Variants in CACNA2D3 observed in about 807,000 individuals in gnomAD.
CACNA2D3 encodes calcium voltage-gated channel auxiliary subunit alpha2delta 3.
A neutral mutation model predicts 160.6 loss-of-function variants in CACNA2D3; 60 were observed. The ratio of observed to expected loss-of-function variants is 0.37; its 90% confidence interval spans 0.30 to 0.46. CACNA2D3 has a LOEUF of 0.46. CACNA2D3 is among the 20% of genes least tolerant of loss of function. The pLI is 1.00. For missense variants in CACNA2D3, 1,205 were observed against 1,365.0 expected (o/e 0.88, Z 1.85); for synonymous variants, 558 against 492.9 (o/e 1.13, Z -1.75).
intron 35 of CACNA2D3, among the ~76,000 whole-genome samples, chr3:55,024,179 C>G (rs1291818156): frequency 1.4e-5 from 2 of 147,372 alleles, no homozygotes; most frequent in African/African-American, 2.5e-5. Flanking sequence ...TAATTATTCA[C>G]TCTTTGACCT....
chr3:54,787,780 T>G (rs1436116129), intron 13 of CACNA2D3, among the ~76,000 whole-genome samples: 2 of 152,182 alleles, frequency 1.3e-5, no homozygotes, highest in African/African-American at 4.8e-5. Flanking sequence ...TAGTGCTGTT[T>G]CCAGTGATAA....
At chr3:54,967,797 A>G (rs1230517992) in intron 27 of CACNA2D3, among the ~76,000 whole-genome samples, 1 of 152,216 alleles carries the variant, frequency 6.6e-6, no homozygotes, top group Non-Finnish European at 1.5e-5. Flanking sequence ...TTCAAGTCAC[A>G]TTCTTAACCT....
intron 2 of CACNA2D3, among the ~76,000 whole-genome samples, chr3:54,248,602 A>G (rs1702127704): frequency 6.6e-6 from 1 of 152,218 alleles, no homozygotes; most frequent in Non-Finnish European, 1.5e-5. Flanking sequence ...GGCACAGAGA[A>G]AAGACCATGT....
At chr3:54,889,089 T>C (rs1308169461) in intron 24 of CACNA2D3, among the ~76,000 whole-genome samples, 2 of 152,088 alleles carry the variant, frequency 1.3e-5, no homozygotes, top group African/African-American at 2.4e-5. Flanking sequence ...TGAGAAAGCA[T>C]TTGACACATT....
chr3:54,643,183 G>C (rs1699561653), intron 11 of CACNA2D3, among the ~76,000 whole-genome samples: 1 of 152,132 alleles, frequency 6.6e-6, no homozygotes, highest in African/African-American at 2.4e-5. Flanking sequence ...TATCTGTTTT[G>C]CATACTTAAT....
At chr3:54,950,572 A>AGAAT (rs1701733300) in intron 27 of CACNA2D3, among the ~76,000 whole-genome samples, 1 of 152,236 alleles carries the variant, frequency 6.6e-6, no homozygotes, top group Non-Finnish European at 1.5e-5. Flanking sequence ...AGCAATTCAA[A>AGAAT]GAATGCTGCT....
intron 5 of CACNA2D3, among the ~76,000 whole-genome samples, chr3:54,527,752 GGA>G (rs1701747958): frequency 6.6e-6 from 1 of 152,126 alleles, no homozygotes. Flanking sequence ...TGAACTTTGG[GGA>G]GAGAGAACCC....
At position 54,882,729 on chromosome 3, in the gene CACNA2D3, C is replaced by T. The variant is rs75906326; in HGVS notation, c.1912+1866C>T. Among the ~76,000 whole-genome samples, 6 of 152,242 alleles carry T rather than the reference C, an allele frequency of 3.9e-5. No homozygotes were observed. In the East Asian group the frequency reaches 1.2e-3, roughly 29 times the overall value. On this transcript the variant is annotated intron_variant, in intron 21 of 37. Transcript: ENST00000474759. ...TGGGCCAAATAGTAGAGGATCTTGTCATCTCTCTAGGAGCCGTGGTGTATT... is the reference window on the plus strand; with the variant it reads ...TGGGCCAAATAGTAGAGGATCTTGTTATCTCTCTAGGAGCCGTGGTGTATT...
At chr3:54,352,684 T>C (rs1698585123) in intron 3 of CACNA2D3, among the ~76,000 whole-genome samples, 1 of 152,210 alleles carries the variant, frequency 6.6e-6, no homozygotes, top group Non-Finnish European at 1.5e-5. Context: ...AATTGCAGCA[T>C]GCTCCCAAAT....
At chr3:54,556,151 C>T (rs1441419116) in intron 5 of CACNA2D3, among the ~76,000 whole-genome samples, 1 of 152,134 alleles carries the variant, frequency 6.6e-6, no homozygotes, top group Non-Finnish European at 1.5e-5. Context: ...AAAGTATGTT[C>T]ACGTTCTGAT....
intron 27 of CACNA2D3, chr3:54,928,191 T>A: frequency 2.1e-6 from 1 of 486,374 alleles, no homozygotes; most frequent in Admixed American, 3.5e-5. Flanking sequence ...CTCCCCAGGA[T>A]CATCCCTGCC....
At chr3:54,207,167 G>T (rs1478755983) in intron 2 of CACNA2D3, among the ~76,000 whole-genome samples, 1 of 140,500 alleles carries the variant, frequency 7.1e-6, no homozygotes, top group Non-Finnish European at 1.5e-5. Flanking sequence ...GATAGAATGG[G>T]CCTTCTAGGC....
chr3:54,848,783 T>C (rs1698990869), intron 17 of CACNA2D3, among the ~76,000 whole-genome samples: 1 of 152,208 alleles, frequency 6.6e-6, no homozygotes. Flanking sequence ...CTTTGGGCAA[T>C]CACACAGGCT....
intron 27 of CACNA2D3, among the ~76,000 whole-genome samples, chr3:54,907,552 C>T (rs74951791): frequency 2.2e-4 from 34 of 152,262 alleles, no homozygotes; most frequent in Admixed American, 7.8e-4. Context: ...TATTGTCGCC[C>T]TCTTCATTAA....
intron 4 of CACNA2D3, among the ~76,000 whole-genome samples, chr3:54,463,251 G>T (rs1369584756): frequency 6.6e-6 from 1 of 152,038 alleles, no homozygotes; most frequent in East Asian, 1.9e-4. Context: ...ACAATTACGT[G>T]TCTTGGAGTT....
intron 4 of CACNA2D3, among the ~76,000 whole-genome samples, chr3:54,458,334 A>C (rs1235112872): frequency 6.6e-6 from 1 of 151,914 alleles, no homozygotes; most frequent in African/African-American, 2.4e-5. Flanking sequence ...TCCTGTAAGC[A>C]TTGCTTTGTA....
chr3:54,974,790 G>C (rs1462545691), intron 29 of CACNA2D3, among the ~76,000 whole-genome samples: 1 of 152,180 alleles, frequency 6.6e-6, no homozygotes, highest in Non-Finnish European at 1.5e-5. Flanking sequence ...ACAAGTGTCT[G>C]TTTGAACTCC....
At chr3:54,924,801 A>G in intron 27 of CACNA2D3, 1 of 1,613,988 alleles carries the variant, frequency 6.2e-7, no homozygotes, top group African/African-American at 1.3e-5. Context: ...AGTCTCTCCC[A>G]AGGATGTGGG....
intron 20 of CACNA2D3, among the ~76,000 whole-genome samples, chr3:54,879,895 A>G (rs1699751026): frequency 6.6e-6 from 1 of 152,202 alleles, no homozygotes; most frequent in Non-Finnish European, 1.5e-5. Flanking sequence ...TCTTTGTAAC[A>G]GTCCTGAAAA....
Sources: gnomAD v4.1 joint callset for allele counts (sites outside exome capture counted in the v4.1 genomes callset) on GRCh38, gnomAD v4.1.1 for gene constraint, MANE v1.5 for transcripts, NCBI Gene and HGNC (gene_info 2026-07-23, HGNC 2026-07-21) for gene names.